Variants in DENND1A observed in about 807,000 individuals in gnomAD.
DENND1A encodes the protein DENN domain containing 1A, also known as DENN domain-containing protein 1A.
In DENND1A, 51 loss-of-function variants were observed where a neutral mutation model predicts 113.7. The ratio of observed to expected loss-of-function variants is 0.45; its 90% CI spans 0.36 to 0.57. The LOEUF (loss-of-function observed/expected upper bound fraction) is 0.57. DENND1A is among the 20% of genes least tolerant of loss of function. The pLI is 0.00. For missense variants in DENND1A, 1,258 were observed against 1,395.9 expected (o/e 0.90, Z 1.57); for synonymous variants, 565 against 570.8 (o/e 0.99, Z 0.14).
chr9:123,495,506 T>G (rs759582994), intron 13 of DENND1A, among the ~76,000 whole-genome samples: 5 of 152,188 alleles, frequency 3.3e-5, no homozygotes, highest in Non-Finnish European at 7.3e-5. Context: ...TTCTCCAGGA[T>G]GAAAGACATC....
intron 19 of DENND1A, chr9:123,414,038 C>A: frequency 2.0e-6 from 2 of 992,342 alleles, no homozygotes; most frequent in Non-Finnish European, 2.4e-6. Flanking sequence ...CTGCTTGTCA[C>A]CTCTGGCTTG....
intron 16 of DENND1A, among the ~76,000 whole-genome samples, chr9:123,454,349 G>C (rs1181766467): frequency 6.6e-6 from 1 of 152,220 alleles, no homozygotes; most frequent in Non-Finnish European, 1.5e-5. Context: ...CCAGTGATGT[G>C]TTCCCCATCT....
intron 19 of DENND1A, among the ~76,000 whole-genome samples, chr9:123,434,787 C>T (rs569404361): frequency 4.6e-5 from 7 of 152,134 alleles, no homozygotes; most frequent in East Asian, 3.9e-4. Context: ...AGGCTGGGAG[C>T]GGGGGTGAGG....
At chr9:123,702,655 A>G (rs1449846791) in intron 5 of DENND1A, among the ~76,000 whole-genome samples, 1 of 152,214 alleles carries the variant, frequency 6.6e-6, no homozygotes, top group Non-Finnish European at 1.5e-5. Flanking sequence ...CTGCGATGAT[A>G]TATTTATAGT....
intron 5 of DENND1A, among the ~76,000 whole-genome samples, chr9:123,734,551 G>A (rs1480417546): frequency 1.3e-5 from 2 of 152,128 alleles, no homozygotes; most frequent in African/African-American, 4.8e-5. Context: ...CACCAAGTTT[G>A]GGATGGGGGC....
intron 11 of DENND1A, among the ~76,000 whole-genome samples, chr9:123,591,615 T>G (rs944907133): frequency 1.3e-5 from 2 of 152,162 alleles, no homozygotes; most frequent in Admixed American, 6.5e-5. Flanking sequence ...ACCAGGACCA[T>G]CTCCAGGGCA....
At chr9:123,687,483 A>C (rs1380011757) in intron 5 of DENND1A, among the ~76,000 whole-genome samples, 1 of 152,236 alleles carries the variant, frequency 6.6e-6, no homozygotes, top group Non-Finnish European at 1.5e-5. Flanking sequence ...GATTGCCCAG[A>C]GCACCACATC....
At chr9:123,665,416 T>A (rs565306430) in intron 8 of DENND1A, among the ~76,000 whole-genome samples, 9 of 152,314 alleles carry the variant, frequency 5.9e-5, no homozygotes, top group African/African-American at 1.9e-4. Flanking sequence ...GGTCTGAATT[T>A]TTTATTAGTT....
chr9:123,616,112 T>G (rs1049219156), intron 10 of DENND1A, among the ~76,000 whole-genome samples: 7 of 152,204 alleles, frequency 4.6e-5, no homozygotes, highest in Non-Finnish European at 7.3e-5. Flanking sequence ...GTATTTTTAG[T>G]GGAGACAGGG....
chr9:123,869,655 A>C (rs1373780306), intron 2 of DENND1A, among the ~76,000 whole-genome samples: 1 of 152,238 alleles, frequency 6.6e-6, no homozygotes, highest in Non-Finnish European at 1.5e-5. Context: ...AATGTTTTTA[A>C]CAATCCATGT....
chr9:123,501,549 C>G (rs573401592), intron 13 of DENND1A, among the ~76,000 whole-genome samples: 8 of 152,276 alleles, frequency 5.3e-5, no homozygotes, highest in Admixed American at 3.9e-4. Context: ...TACTGTTTTC[C>G]ACAGCAGCCA....
intron 1 of DENND1A, chr9:123,928,875 T>TA (rs1170143795): frequency 1.0e-6 from 1 of 985,372 alleles, no homozygotes; most frequent in Non-Finnish European, 1.2e-6. Flanking sequence ...TAAAGTGTCC[T>TA]AGGAAAGTTG....
rs117683069 is a variant in DENND1A, at chr9:123,393,943, G to A, written c.1632-6085C>T. The stretch of plus-strand genomic sequence containing the variant: ...GGAGGACAATGGTGGGGGCGTGCCT[G>A]GCTCAAGGGCTCTTGGACAAGGCTC... On this transcript the variant is annotated intron_variant, in intron 21 of 23. Coordinates refer to ENST00000394215, the MANE Select transcript of DENND1A (RefSeq NM_001352964.2). Among the ~76,000 whole-genome samples, 12 of 152,194 alleles carry A rather than the reference G, an allele frequency of 7.9e-5. No homozygotes were observed. The East Asian group carries it at 1.7e-3, about 22-fold the overall frequency.
At chr9:123,410,032 C>T (rs1260432247) in intron 20 of DENND1A, among the ~76,000 whole-genome samples, 1 of 152,156 alleles carries the variant, frequency 6.6e-6, no homozygotes, top group Admixed American at 6.5e-5. Context: ...GCGGAGCCTG[C>T]AGTGAGCTGA....
At position 123,725,697 on chromosome 9, in the gene DENND1A, G is replaced by A. The variant is rs117450446; in HGVS notation, c.302+32006C>T. Reference sequence around the variant, plus strand: ...GAGCAGTCACTGTGCCAAACAGACTGTACGGGCCTCACTGCTCGGATGCTT... The same window carrying A: ...GAGCAGTCACTGTGCCAAACAGACTATACGGGCCTCACTGCTCGGATGCTT... On this transcript the variant is annotated intron_variant, in intron 5 of 23. Transcript: ENST00000394215. Among the ~76,000 whole-genome samples the A allele has an allele frequency of 2.5e-3, 388 of 152,368 alleles. 3 individuals carry two copies. The East Asian group carries it at 0.032, about 12-fold the overall frequency.
At chr9:123,566,679 C>T (rs963727029) in intron 12 of DENND1A, among the ~76,000 whole-genome samples, 1 of 152,062 alleles carries the variant, frequency 6.6e-6, no homozygotes, top group African/African-American at 2.4e-5. Context: ...GGCCTGTTTC[C>T]ACTATCTGCC....
intron 1 of DENND1A, among the ~76,000 whole-genome samples, chr9:123,914,705 G>A (rs1336674154): frequency 6.6e-6 from 1 of 151,876 alleles, no homozygotes. Context: ...GAGCCAGCGT[G>A]TCACATAGTG....
At chr9:123,609,535 G>A in intron 10 of DENND1A, 54 bp from the exon 11 acceptor site, 1 of 1,579,624 alleles carries the variant, frequency 6.3e-7, no homozygotes, top group Non-Finnish European at 8.6e-7. Context: ...GCTTCTGACA[G>A]AAAATTACAG....
rs1588237379 is a variant in DENND1A at position 123,381,657 on chromosome 9, C to T, written c.2988G>A (p.Glu996=). The change falls in exon 24 of 24, where the codon GAG becomes GAA. Residue 996 remains glutamate (E), a synonymous_variant. Transcript: ENST00000394215. This position sits in a 1 kb window ranked among gnomAD's most constrained non-coding sequence, Gnocchi z 4.7. ...GCCTCAGGGCCAGCCCCTGCTTGGT[C>T]TCAGCAGCCCTGGCACTTGAGCGGG... ...PLARSSARAA[E]TKQGLALRPG... 2 of 1,603,392 alleles carry T rather than the reference C, an allele frequency of 1.2e-6. No individual in the cohort carries two copies. The highest frequency in any genetic ancestry group is 4.5e-5 in the East Asian group (2 of 44,512).
Sources: allele counts gnomAD v4.1 joint callset (sites outside exome capture counted in the v4.1 genomes callset), GRCh38; gene constraint gnomAD v4.1.1; non-coding constraint Gnocchi (gnomAD v3.1); transcripts MANE v1.5; gene names NCBI Gene and HGNC (gene_info 2026-07-23, HGNC 2026-07-21).